The following CDK14 variants were observed in gnomAD, a reference collection of about 807,000 sequenced individuals.
The protein encoded by CDK14 is cyclin-dependent kinase 14.
Under a neutral mutation model 60.7 loss-of-function variants are expected in CDK14, and 34 were observed. The ratio of observed to expected loss-of-function variants is 0.56; its 90% CI spans 0.43 to 0.75. CDK14 has a LOEUF of 0.75. CDK14 is among the 30% of genes least tolerant of loss of function. The pLI is 0.00. For synonymous variants in CDK14, 197 were observed against 203.7 expected (o/e 0.97, Z 0.28); for missense variants, 482 against 564.1 (o/e 0.85, Z 1.47).
At chr7:91,001,531 C>T (rs1795833790) in intron 10 of CDK14, among the ~76,000 whole-genome samples, 1 of 152,138 alleles carries the variant, frequency 6.6e-6, no homozygotes, top group Non-Finnish European at 1.5e-5. Context: ...ATGAAGCTTC[C>T]TTCAATAGTG....
chr7:90,951,768 C>T (rs1794270158), intron 8 of CDK14, among the ~76,000 whole-genome samples: 1 of 152,184 alleles, frequency 6.6e-6, no homozygotes, highest in African/African-American at 2.4e-5. Context: ...AGTGCATTTG[C>T]TCCTGGACTC....
intron 2 of CDK14, among the ~76,000 whole-genome samples, chr7:90,724,173 T>C (rs560319841): frequency 1.8e-4 from 28 of 152,272 alleles, no homozygotes; most frequent in African/African-American, 6.7e-4. Flanking sequence ...TTTGGTAGTT[T>C]TTGTCTTTCA....
intron 5 of CDK14, among the ~76,000 whole-genome samples, chr7:90,856,565 C>T (rs1419662034): frequency 1.3e-5 from 2 of 152,284 alleles, no homozygotes; most frequent in East Asian, 1.9e-4. Flanking sequence ...CAGTGCTCAG[C>T]GTACGCACAT....
chr7:90,897,453 T>A (rs1332783983), intron 6 of CDK14, among the ~76,000 whole-genome samples: 1 of 151,810 alleles, frequency 6.6e-6, no homozygotes, highest in Non-Finnish European at 1.5e-5. Context: ...TGTGAAGCAT[T>A]GAACAGATTA....
intron 2 of CDK14, among the ~76,000 whole-genome samples, chr7:90,655,105 T>C (rs1800724477): frequency 6.6e-6 from 1 of 152,220 alleles, no homozygotes; most frequent in Admixed American, 6.5e-5. Context: ...TCAAACTGGC[T>C]TCTTTCACTT....
intron 6 of CDK14, among the ~76,000 whole-genome samples, chr7:90,885,144 C>G (rs1791900300): frequency 6.6e-6 from 1 of 152,140 alleles, no homozygotes; most frequent in African/African-American, 2.4e-5. Context: ...TCAGAGTCAA[C>G]AGGCAACCTA....
At chr7:90,612,590 G>A (rs1437032986) in intron 2 of CDK14, among the ~76,000 whole-genome samples, 1 of 151,828 alleles carries the variant, frequency 6.6e-6, no homozygotes, top group African/African-American at 2.4e-5. Context: ...TGGCCAACGT[G>A]GTGAAACCCT....
chr7:91,090,097 T>C (rs984808474), intron 12 of CDK14, among the ~76,000 whole-genome samples: 3 of 152,198 alleles, frequency 2.0e-5, no homozygotes, highest in African/African-American at 7.2e-5. Context: ...CATTTTCTGT[T>C]CAGAGTAGAC....
chr7:90,931,566 G>C (rs776130938), intron 8 of CDK14, among the ~76,000 whole-genome samples: 3 of 152,208 alleles, frequency 2.0e-5, no homozygotes, highest in Non-Finnish European at 4.4e-5. Context: ...TGTCATTGCT[G>C]GTGAGAGGTG....
intron 4 of CDK14, among the ~76,000 whole-genome samples, chr7:90,779,018 C>T (rs938364043): frequency 2.6e-5 from 4 of 151,704 alleles, no homozygotes; most frequent in Non-Finnish European, 5.9e-5. Flanking sequence ...TTTGGTAGGC[C>T]GAGGGGTGGA....
At chr7:90,834,810 G>A (rs986607276) in intron 5 of CDK14, among the ~76,000 whole-genome samples, 6 of 152,148 alleles carry the variant, frequency 3.9e-5, no homozygotes, top group Non-Finnish European at 8.8e-5. Flanking sequence ...CAGATCTGGG[G>A]GAAATCAAGG....
intron 1 of CDK14, among the ~76,000 whole-genome samples, chr7:90,599,274 TTTG>T (rs1160847724): frequency 1.3e-5 from 2 of 152,244 alleles, no homozygotes; most frequent in Non-Finnish European, 2.9e-5. Flanking sequence ...TATCATTGTT[TTTG>T]TTATTATTAG....
intron 14 of CDK14, among the ~76,000 whole-genome samples, chr7:91,127,679 A>T (rs185604769): frequency 2.0e-5 from 3 of 151,926 alleles, no homozygotes; most frequent in Non-Finnish European, 4.4e-5. Flanking sequence ...CTTTTTTTTT[A>T]AAGGAGAAGT....
chr7:90,649,452 C>T (rs1800576840), intron 2 of CDK14, among the ~76,000 whole-genome samples: 1 of 128,520 alleles, frequency 7.8e-6, no homozygotes. Context: ...TCCTTCTTTC[C>T]TTCTTTATTT....
intron 5 of CDK14, among the ~76,000 whole-genome samples, chr7:90,858,540 G>A (rs146840564): frequency 6.6e-6 from 1 of 152,182 alleles, no homozygotes; most frequent in Non-Finnish European, 1.5e-5. Flanking sequence ...TGACAAGATT[G>A]CAAATAATGT....
intron 12 of CDK14, among the ~76,000 whole-genome samples, chr7:91,091,501 T>TTATATATATATATATA (rs56670195): frequency 0.012 from 1,042 of 88,968 alleles, 106 homozygotes; most frequent in African/African-American, 0.035. Context: ...TTTATATATT[T>TTATATATATATATATA]TATATATATA....
intron 6 of CDK14, among the ~76,000 whole-genome samples, chr7:90,869,956 G>A (rs974158720): frequency 3.9e-5 from 6 of 152,184 alleles, no homozygotes; most frequent in Non-Finnish European, 7.3e-5. Flanking sequence ...CTGTTAGCTC[G>A]TAATGCTAAG....
At chr7:91,126,804 C>CTGCT (rs1554434961) in intron 14 of CDK14, among the ~76,000 whole-genome samples, 1 of 151,450 alleles carries the variant, frequency 6.6e-6, no homozygotes, top group Non-Finnish European at 1.5e-5. Flanking sequence ...AGCCGCTTGC[C>CTGCT]TACTCCCTCA....
At chr7:90,601,416 A>G (rs577382333) in intron 1 of CDK14, among the ~76,000 whole-genome samples, 88 of 152,344 alleles carry the variant, frequency 5.8e-4, no homozygotes, top group African/African-American at 2.0e-3. Flanking sequence ...CTCAATATTT[A>G]GAAGAAACCG....
Sources: gnomAD v4.1 joint callset for allele counts (sites outside exome capture counted in the v4.1 genomes callset) on GRCh38, gnomAD v4.1.1 for gene constraint, MANE v1.5 for transcripts, NCBI Gene and HGNC (gene_info 2026-07-23, HGNC 2026-07-21) for gene names.